Variants in ZBBX observed in about 807,000 individuals in gnomAD.
The protein encoded by ZBBX is zinc finger B-box domain-containing protein 1.
In ZBBX, 101 loss-of-function variants were observed where a neutral mutation model predicts 108.5. The observed-to-expected ratio is 0.93, with a 90% CI of 0.79 to 1.10. ZBBX has a LOEUF of 1.10. Ranked by LOEUF, ZBBX falls within the 50% of genes least tolerant of loss-of-function variation. The probability of loss-of-function intolerance (pLI) is 0.00; values close to 1 mark genes in which losing one functional copy is unlikely to be tolerated. For missense variants in ZBBX, 1,009 were observed against 941.4 expected (o/e 1.07, Z -0.94); for synonymous variants, 356 against 323.4 (o/e 1.10, Z -1.08).
intron 20 of ZBBX, among the ~76,000 whole-genome samples, chr3:167,262,527 G>C (rs748560877): frequency 1.3e-5 from 2 of 152,088 alleles, no homozygotes; most frequent in African/African-American, 2.4e-5. Context: ...TTTTTGGTTT[G>C]TTTGTTTGTT....
chr3:167,309,948 T>C (rs1394547502), intron 16 of ZBBX, among the ~76,000 whole-genome samples: 2 of 152,230 alleles, frequency 1.3e-5, no homozygotes, highest in African/African-American at 4.8e-5. Flanking sequence ...TTAAACATAA[T>C]TTCCAGTTTC....
chr3:167,357,805 A>G (rs528653388), intron 8 of ZBBX, among the ~76,000 whole-genome samples: 2,092 of 152,260 alleles, frequency 0.014, 26 homozygotes, highest in South Asian at 0.026. Context: ...GACTGGATTA[A>G]GAAAATGTGG....
chr3:167,369,847 T>C (rs899263123), intron 4 of ZBBX, among the ~76,000 whole-genome samples: 1 of 151,922 alleles, frequency 6.6e-6, no homozygotes, highest in East Asian at 1.9e-4. Context: ...AAGTGCTGAG[T>C]GCAGTGTTCC....
chr3:167,360,762 T>C, intron 6 of ZBBX, 39 bp from the exon 7 acceptor site: 1 of 1,287,310 alleles, frequency 7.8e-7, no homozygotes, highest in Non-Finnish European at 1.0e-6. Flanking sequence ...CAGGTATATA[T>C]TATCTTATTC....
chr3:167,380,266 G>A lies in ZBBX; in HGVS notation c.-306C>T, dbSNP rs898265004. On this transcript the variant is annotated 5_prime_UTR_variant, in exon 1 of 22. Coordinates refer to ENST00000675490, the MANE Select transcript of ZBBX (RefSeq NM_001199201.2). ...ACCCACCTGGAGACCCCAGCCTCTC[G>A]CGTCACCACCGCCGGATGGCCGCGG... 6.6e-6 allele frequency: 1 copy of A among 152,230 alleles called. No individual in the cohort carries two copies. Among genetic ancestry groups the A allele is most frequent in the African/African-American group, 2.4e-5 (1 of 41,442 alleles). The allele number at this position is 152,230 out of a possible 1,614,324, so 9.4% of individuals were successfully genotyped here.
At chr3:167,339,853 T>A (rs1740233513) in intron 9 of ZBBX, among the ~76,000 whole-genome samples, 3 of 152,032 alleles carry the variant, frequency 2.0e-5, no homozygotes, top group Admixed American at 2.0e-4. Flanking sequence ...CGGTGTGTGT[T>A]GTTTCATTCC....
At chr3:167,281,640 A>C (rs1728829746) in intron 20 of ZBBX, among the ~76,000 whole-genome samples, 1 of 152,256 alleles carries the variant, frequency 6.6e-6, no homozygotes, top group South Asian at 2.1e-4. Flanking sequence ...GAATATGGTC[A>C]CTATATTGCT....
intron 1 of ZBBX, chr3:167,392,938 T>G (rs1748119510): frequency 6.6e-6 from 1 of 151,828 alleles, no homozygotes; most frequent in African/African-American, 2.4e-5. Flanking sequence ...AACTTGGGAA[T>G]AATCATCATA....
intron 9 of ZBBX, 117 bp from the exon 10 acceptor site, chr3:167,334,102 A>C: frequency 1.4e-6 from 1 of 732,914 alleles, no homozygotes; most frequent in Non-Finnish European, 2.0e-6. Flanking sequence ...AATTCAATTT[A>C]ATATTTAAAA....
intron 9 of ZBBX, among the ~76,000 whole-genome samples, chr3:167,341,917 G>T (rs1355961284): frequency 1.3e-5 from 2 of 151,730 alleles, no homozygotes; most frequent in African/African-American, 4.8e-5. Flanking sequence ...ATCACAATTA[G>T]ATAATTCGTA....
At chr3:167,210,235 A>T in the ZBBX span, among the ~76,000 whole-genome samples, 1 of 152,236 alleles carries the variant, frequency 6.6e-6, no homozygotes, top group Non-Finnish European at 1.5e-5. Flanking sequence ...AGCAGAAATT[A>T]TGGAGTTGAA....
intron 2 of ZBBX, among the ~76,000 whole-genome samples, chr3:167,375,160 G>A (rs2108609005): frequency 6.6e-6 from 1 of 152,232 alleles, no homozygotes; most frequent in Non-Finnish European, 1.5e-5. Context: ...CTAATAAAAG[G>A]CTATTGTGAC....
At chr3:167,227,068 C>T in the ZBBX span, among the ~76,000 whole-genome samples, 21 of 151,788 alleles carry the variant, frequency 1.4e-4, no homozygotes, top group Admixed American at 6.6e-4. Context: ...CTAATGCAAT[C>T]TCAGAAGCCA....
At chr3:167,309,088 C>G (rs1734148839) in intron 16 of ZBBX, among the ~76,000 whole-genome samples, 1 of 152,186 alleles carries the variant, frequency 6.6e-6, no homozygotes, top group African/African-American at 2.4e-5. Flanking sequence ...TTCTGAGTAA[C>G]TCATCTTTTA....
At chr3:167,317,760 C>G (rs1417447690) in intron 12 of ZBBX, among the ~76,000 whole-genome samples, 163 bp from the exon 13 acceptor site, 3 of 151,826 alleles carry the variant, frequency 2.0e-5, no homozygotes, top group African/African-American at 7.3e-5. Context: ...ATAACAGAAT[C>G]TTAATGTACT....
In ZBBX at chr3:167,239,878, G is replaced by A. The variant is rs1378799340; in HGVS notation, c.*915C>T. On this transcript the variant is annotated 3_prime_UTR_variant, in exon 22 of 22. Transcript: ENST00000675490. ...AGGACAGAGGTTTAATTGACTCACA[G>A]TTCAGCATGGTGGGGGAGGCCTCAG... Among the ~76,000 whole-genome samples the A allele has an allele frequency of 6.6e-6, 1 of 152,116 alleles. No homozygotes were observed. The highest frequency in any genetic ancestry group is 1.5e-5 in the Non-Finnish European group (1 of 68,010).
chr3:167,220,226 C>T, the ZBBX span, among the ~76,000 whole-genome samples: 1 of 151,938 alleles, frequency 6.6e-6, no homozygotes, highest in East Asian at 1.9e-4. Flanking sequence ...CACTTTCACA[C>T]TTACTCTAGG....
chr3:167,192,099 G>A, the ZBBX span, among the ~76,000 whole-genome samples: 1 of 151,494 alleles, frequency 6.6e-6, no homozygotes. Flanking sequence ...GTTTTTGATA[G>A]TTTTATATTT....
chr3:167,265,724 C>T (rs976085727), intron 20 of ZBBX, among the ~76,000 whole-genome samples: 5 of 152,338 alleles, frequency 3.3e-5, no homozygotes, highest in African/African-American at 1.2e-4. Context: ...GGCACTTCAG[C>T]TCAATGTGGC....
Sources: gnomAD v4.1 joint callset for allele counts (sites outside exome capture counted in the v4.1 genomes callset) on GRCh38, gnomAD v4.1.1 for gene constraint, MANE v1.5 for transcripts, NCBI Gene and HGNC (gene_info 2026-07-23, HGNC 2026-07-21) for gene names.